The following RWDD4 variants were observed in gnomAD, a reference collection of about 807,000 sequenced individuals.
RWDD4 encodes RWD domain-containing protein 4.
RWDD4 carries 16 observed loss-of-function variants against 30.0 expected under a neutral mutation model. That is an observed-to-expected ratio of 0.53 (90% CI 0.36 to 0.81). The LOEUF (loss-of-function observed/expected upper bound fraction) is 0.81, where lower values mean the gene tolerates loss of function less well. Among genes scored for constraint, RWDD4 ranks in the 30% least tolerant of loss-of-function variants. The pLI is 0.00. For missense variants in RWDD4, 170 were observed against 223.9 expected (o/e 0.76, Z 1.54); for synonymous variants, 45 against 72.1 (o/e 0.62, Z 1.90).
At chr4:183,644,777 CAAAAA>C (rs1040745096) in intron 7 of RWDD4, among the ~76,000 whole-genome samples, 1 of 123,306 alleles carries the variant, frequency 8.1e-6, no homozygotes, top group African/African-American at 3.2e-5. Context: ...GACTCGGCTT[CAAAAA>C]AAAAAAGAAA....
chr4:183,643,687 CGGGT>C (rs1227358109), intron 7 of RWDD4, among the ~76,000 whole-genome samples: 1 of 151,498 alleles, frequency 6.6e-6, no homozygotes, highest in Non-Finnish European at 1.5e-5. Context: ...GAGGCCAAGG[CGGGT>C]GGATCACCTG....
chr4:183,650,881 G>T (rs1579128389), intron 4 of RWDD4, 103 bp downstream of exon 4: 2 of 1,174,594 alleles, frequency 1.7e-6, no homozygotes, highest in Non-Finnish European at 2.3e-6. Flanking sequence ...ACTTTAACAA[G>T]TCTTCTTCCG....
chr4:183,644,570 G>A (rs1039388663), intron 7 of RWDD4, among the ~76,000 whole-genome samples: 1 of 152,176 alleles, frequency 6.6e-6, no homozygotes, highest in Admixed American at 6.5e-5. Context: ...CTTGAGGCCA[G>A]GAGTTTGAGA....
At chr4:183,656,291 C>T (rs575134642) in intron 1 of RWDD4, among the ~76,000 whole-genome samples, 1 of 152,216 alleles carries the variant, frequency 6.6e-6, no homozygotes, top group Non-Finnish European at 1.5e-5. Context: ...CCAGAGCAAG[C>T]GCTCTTAGAA....
chr4:183,649,763 G>A (rs562906178), intron 4 of RWDD4, among the ~76,000 whole-genome samples, 195 bp from the exon 5 acceptor site: 2 of 152,292 alleles, frequency 1.3e-5, no homozygotes, highest in Non-Finnish European at 2.9e-5. Flanking sequence ...TCAGATCAAA[G>A]GACGTAATAT....
chr4:183,656,694 T>C (rs1420363213), intron 1 of RWDD4, among the ~76,000 whole-genome samples: 1 of 152,152 alleles, frequency 6.6e-6, no homozygotes, highest in African/African-American at 2.4e-5. Flanking sequence ...AAACTAAAGA[T>C]GGTGAAAGTG....
intron 4 of RWDD4, among the ~76,000 whole-genome samples, chr4:183,649,952 A>G (rs1236711591): frequency 6.6e-6 from 1 of 152,200 alleles, no homozygotes; most frequent in East Asian, 1.9e-4. Context: ...TTGACAATTT[A>G]AACACGTCTT....
At chr4:183,641,906 A>C (rs185138594) in intron 7 of RWDD4, among the ~76,000 whole-genome samples, 1 of 152,300 alleles carries the variant, frequency 6.6e-6, no homozygotes, top group East Asian at 1.9e-4. Flanking sequence ...CCAGACAATA[A>C]ATTCTTATAG....
At chr4:183,643,447 A>G (rs1351217206) in intron 7 of RWDD4, among the ~76,000 whole-genome samples, 1 of 128,842 alleles carries the variant, frequency 7.8e-6, no homozygotes, top group South Asian at 2.5e-4. Flanking sequence ...AAAAAAAAAA[A>G]GCATTTAAGG....
intron 5 of RWDD4, among the ~76,000 whole-genome samples, chr4:183,649,139 C>T (rs945540478): frequency 1.5e-4 from 23 of 152,032 alleles, no homozygotes; most frequent in Non-Finnish European, 2.9e-4. Context: ...AACGGCTGGG[C>T]GTGGTGGCTC....
At position 183,651,123 on chromosome 4, in the gene RWDD4, G is replaced by A; in HGVS notation, c.224C>T (p.Ala75Val). Reference sequence around the variant, plus strand: ...CTTGGCTAATATACTCTGCTTTACAGCTGATGATCTACAATGCACAACAAA... The same window carrying A: ...CTTGGCTAATATACTCTGCTTTACAACTGATGATCTACAATGCACAACAAA... ...NAFFNNTISS[A>V]VKQSILAKLQ... is the part of the protein sequence containing the mutation. Residue 75 changes from alanine to valine, a missense_variant, in exon 4 of 8, where the codon GCT becomes GTT. Transcript: ENST00000326397. 1.9e-6 allele frequency: 3 copies of A among 1,614,090 alleles called. No homozygotes were observed. The highest frequency in any genetic ancestry group is 2.5e-6 in the Non-Finnish European group (3 of 1,179,994).
In RWDD4 at chr4:183,641,125, C is replaced by G. The variant is rs1461440957; in HGVS notation, c.*311G>C. ...CTCCTTTAAGAAAATAGCACATCCA[C>G]CAGGATAAGATCATTTAAATTAACA... On this transcript the variant is annotated 3_prime_UTR_variant, in exon 8 of 8. Transcript: ENST00000326397. The G allele has an allele frequency of 1.1e-5, 4 of 359,236 alleles. No individual in the cohort carries two copies. Among genetic ancestry groups the G allele is most frequent in the Non-Finnish European group, 2.0e-5 (4 of 198,142 alleles). The allele number at this position is 359,236 out of a possible 1,614,324, so 22.3% of individuals were successfully genotyped here.
chr4:183,651,230 A>T lies in RWDD4; in HGVS notation c.203T>A (p.Phe68Tyr), dbSNP rs1561012227. Residue 68 changes from phenylalanine (F) to tyrosine (Y), a missense_variant, in exon 3 of 8, where the codon TTT (phenylalanine) becomes TAT (tyrosine). Transcript: ENST00000326397. ...AGACACTACTCACATGGTGTTGTTA[A>T]AAAAAGCGTTCATAGATAGAATTGG... ...TPPILSMNAFFNNTISSAVKQ... is the reference protein window; with the variant it reads ...TPPILSMNAFYNNTISSAVKQ... The T allele has an allele frequency of 6.2e-7, 1 of 1,613,572 alleles. No individual in the cohort carries two copies. Among genetic ancestry groups the T allele is most frequent in the Non-Finnish European group, 8.5e-7 (1 of 1,179,772 alleles).
intron 4 of RWDD4, among the ~76,000 whole-genome samples, chr4:183,649,974 C>A (rs1133956): frequency 0.019 from 2,872 of 152,194 alleles, 60 homozygotes; most frequent in African/African-American, 0.046. Flanking sequence ...AGAAAAATCA[C>A]GTGTGCCTAC....
chr4:183,646,278 TAAAAA>T (rs538119330), intron 7 of RWDD4, 68 bp downstream of exon 7: 2 of 632,372 alleles, frequency 3.2e-6, no homozygotes, highest in East Asian at 6.0e-5. Context: ...TTCCATTACT[TAAAAA>T]AAAAAAAGAT....
intron 1 of RWDD4, among the ~76,000 whole-genome samples, chr4:183,658,647 A>G (rs1734273671): frequency 6.6e-6 from 1 of 152,266 alleles, no homozygotes; most frequent in Non-Finnish European, 1.5e-5. Flanking sequence ...GAGAGCCAAG[A>G]GCACTGGATC....
rs1232372493 is a variant in RWDD4, at chr4:183,658,942, T to C, written c.11A>G (p.Asn4Ser). The part of the protein sequence containing the change: MSA[N>S]EDQEMELEAL... ...CGGGGGGCTCACCTCCTGGTCCTCGTTGGCACTCATCGCGCCGGTCGCGGG... is the reference window on the plus strand; with the variant it reads ...CGGGGGGCTCACCTCCTGGTCCTCGCTGGCACTCATCGCGCCGGTCGCGGG... Residue 4 changes from asparagine (N) to serine (S), a missense_variant, in exon 1 of 8, where the codon AAC becomes AGC. Physicochemically the swap from Asn to Ser is conservative, Grantham distance 46. Transcript: ENST00000326397. 4 of 1,274,278 alleles carry C rather than the reference T, an allele frequency of 3.1e-6. No individual in the cohort carries two copies. The highest frequency in any genetic ancestry group is 4.0e-6 in the Non-Finnish European group (4 of 1,011,416). The allele number at this position is 1,274,278 out of a possible 1,614,324, so 78.9% of individuals were successfully genotyped here. A position where few individuals can be genotyped will look rare whatever the true frequency, so the allele number is the denominator to read the frequency against.
Position 183,659,005 on chromosome 4 carries a change from G to A in RWDD4, c.-53C>T. On this transcript the variant is annotated 5_prime_UTR_variant, in exon 1 of 8. Transcript: ENST00000326397. ...CGGACGGCGTTCGCAACAACGAAGA[G>A]AAAGCGAAGGCAGCGGCCCAGAGGC... The A allele has an allele frequency of 8.1e-7, 1 of 1,242,080 alleles. No individual in the cohort carries two copies. Among genetic ancestry groups the A allele is most frequent in the Non-Finnish European group, 1.0e-6 (1 of 987,740 alleles). 76.9% of individuals were successfully genotyped at this position (1,242,080 alleles called of 1,614,324 possible). A position where few individuals can be genotyped will look rare whatever the true frequency, so the allele number is the denominator to read the frequency against.
chr4:183,644,599 C>T (rs1733930598), intron 7 of RWDD4, among the ~76,000 whole-genome samples: 1 of 151,752 alleles, frequency 6.6e-6, no homozygotes, highest in Non-Finnish European at 1.5e-5. Context: ...GTCTACATGG[C>T]GAAAGCCCAT....
Sources: allele counts gnomAD v4.1 joint callset (sites outside exome capture counted in the v4.1 genomes callset), GRCh38; gene constraint gnomAD v4.1.1; transcripts MANE v1.5; gene names NCBI Gene and HGNC (gene_info 2026-07-23, HGNC 2026-07-21).